The following MEAK7 variants were observed in gnomAD, a reference collection of about 807,000 sequenced individuals.
The protein encoded by MEAK7 is MTOR associated protein MEAK7.
MEAK7 carries 68 observed loss-of-function variants against 40.5 expected under a neutral mutation model. That is an observed-to-expected ratio of 1.68 (90% CI 1.38 to 2.06). The LOEUF (loss-of-function observed/expected upper bound fraction) is 2.06. Among genes scored for constraint, MEAK7 ranks in the 30% most tolerant of loss-of-function variants. The pLI, the probability that MEAK7 is intolerant of heterozygous loss-of-function variation, is 0.00. For missense variants in MEAK7, 918 were observed against 580.5 expected, an observed-to-expected ratio of 1.58 and a Z score of -5.98; for synonymous variants, 338 against 231.9, an observed-to-expected ratio of 1.46 and a Z score of -4.16.
intron 7 of MEAK7, 45 bp from the exon 8 acceptor site, chr16:84,480,071 C>T (rs1405064607): frequency 1.4e-6 from 2 of 1,445,324 alleles, no homozygotes; most frequent in Admixed American, 4.0e-5. Context: ...GATGGCCCAA[C>T]AAGAGGCAGC....
At chr16:84,501,655 G>C (rs886609430) in intron 1 of MEAK7, among the ~76,000 whole-genome samples, 1 of 152,128 alleles carries the variant, frequency 6.6e-6, no homozygotes, top group South Asian at 2.1e-4. Context: ...TCAAGCAGGA[G>C]AGAGGAGGTT....
intron 6 of MEAK7, among the ~76,000 whole-genome samples, chr16:84,482,355 C>A (rs553024220): frequency 1.3e-5 from 2 of 152,252 alleles, no homozygotes; most frequent in Middle Eastern, 3.2e-3. Context: ...AGTGTGCCAT[C>A]TGCACACAAA....
rs545775415 is a variant in MEAK7 at position 84,497,644 on chromosome 16, C to A, written c.153+290G>T. ...ATCATTCATTATCTACTCCAGGTTC[C>A]TTTCTGTAGTACAGATAAGAGACTA... On this transcript the variant is annotated intron_variant, in intron 2 of 7. Coordinates refer to ENST00000343629, the MANE Select transcript of MEAK7 (RefSeq NM_020947.4). The A allele has an allele frequency of 3.3e-5, 47 of 1,405,076 alleles. No individual in the cohort carries two copies. The East Asian group carries it at 1.5e-3, about 46-fold the overall frequency. The allele number at this position is 1,405,076 out of a possible 1,614,324, so 87.0% of individuals were successfully genotyped here.
At chr16:84,491,186 T>C (rs446113) in intron 3 of MEAK7, among the ~76,000 whole-genome samples, 67,801 of 152,122 alleles carry the variant, frequency 0.45, 15,580 homozygotes, top group South Asian at 0.6. Context: ...ACGCCTGTAA[T>C]CCCTCCACTT....
intron 5 of MEAK7, among the ~76,000 whole-genome samples, chr16:84,485,673 CCTATCTAT>C (rs201436650): frequency 3.4e-5 from 5 of 147,748 alleles, no homozygotes; most frequent in African/African-American, 1.2e-4. Flanking sequence ...CATCTATCTA[CCTATCTAT>C]CTATCTATCT....
rs1029035501 is a variant in MEAK7 at position 84,485,846 on chromosome 16, T to C, written c.958+785A>G. 5.3e-5 allele frequency among the ~76,000 whole-genome samples: 8 copies of C among 152,100 alleles called. No individual in the cohort carries two copies. In the South Asian group the frequency reaches 6.2e-4, roughly 12 times the overall value. The stretch of plus-strand genomic sequence containing the variant: ...ACAGGCATGCGCCACCACACCCATC[T>C]AATTTGTGTACTTTCAGTAGAGACG... On this transcript the variant is annotated intron_variant, in intron 5 of 7. Coordinates refer to ENST00000343629, the MANE Select transcript of MEAK7 (RefSeq NM_020947.4).
intron 2 of MEAK7, among the ~76,000 whole-genome samples, chr16:84,496,356 G>A (rs1056883912): frequency 5.9e-5 from 9 of 152,160 alleles, no homozygotes; most frequent in African/African-American, 2.2e-4. Flanking sequence ...TCCAGCCTCT[G>A]CATATATACC....
At chr16:84,497,496 C>T (rs963883345) in intron 2 of MEAK7, 12 of 1,290,112 alleles carry the variant, frequency 9.3e-6, no homozygotes, top group Middle Eastern at 2.1e-4. Context: ...CCCATCACCG[C>T]GTCTGTCTCC....
At chr16:84,480,080 G>A (rs1912389855) in intron 7 of MEAK7, 54 bp from the exon 8 acceptor site, 2 of 1,379,100 alleles carry the variant, frequency 1.5e-6, no homozygotes, top group Non-Finnish European at 9.9e-7. Flanking sequence ...ACAAGAGGCA[G>A]CAGCTTCCTG....
rs1322597977 is a variant in MEAK7, at chr16:84,482,659, G to T, written c.1010C>A (p.Thr337Lys). Residue 337 changes from threonine (T) to lysine (K), a missense_variant, in exon 6 of 8, where the codon ACA becomes AAA. Transcript: ENST00000343629. ...FSICPSMAVY[T>K]HTGYNDHYMY... ...GTAGTGGTCGTTGTAGCCCGTGTGTGTGTACACAGCCATGCTGGGGCAGAT... is the reference window on the plus strand; with the variant it reads ...GTAGTGGTCGTTGTAGCCCGTGTGTTTGTACACAGCCATGCTGGGGCAGAT... The T allele has an allele frequency of 2.5e-6, 4 of 1,614,136 alleles. No homozygotes were observed. In the Admixed American group the frequency reaches 5.0e-5, roughly 20 times the overall value.
intron 3 of MEAK7, among the ~76,000 whole-genome samples, chr16:84,490,658 G>GTA (rs1158198492): frequency 7.8e-6 from 1 of 127,586 alleles, no homozygotes; most frequent in Non-Finnish European, 1.6e-5. Context: ...ATCAAGATGT[G>GTA]TGTGTGTGTG....
intron 5 of MEAK7, among the ~76,000 whole-genome samples, chr16:84,484,038 C>T (rs387367): frequency 0.41 from 62,947 of 152,048 alleles, 13,535 homozygotes; most frequent in South Asian, 0.59. Context: ...CCCGTCTGCA[C>T]TGCCCCCGCC....
chr16:84,502,041 G>C (rs1914545400), intron 1 of MEAK7, among the ~76,000 whole-genome samples: 1 of 152,190 alleles, frequency 6.6e-6, no homozygotes, highest in African/African-American at 2.4e-5. Flanking sequence ...CTACTTGAGA[G>C]GCTGAGGCAG....
In MEAK7 at chr16:84,489,354, A is replaced by G. The variant is rs1217439539; in HGVS notation, c.453T>C (p.Thr151=). 6.2e-7 allele frequency: 1 copy of G among 1,614,084 alleles called. No individual in the cohort carries two copies. Among genetic ancestry groups the G allele is most frequent in the Non-Finnish European group, 8.5e-7 (1 of 1,180,056 alleles). ...LSHRQELRGW[T]GKEAPGPNPR... ...GGTTGGGCCCTGGGGCTTCCTTCCC[A>G]GTCCAGCCTCTCAGCTCCTGTCTGT... The change falls in exon 4 of 8, where the codon ACT becomes ACC. Residue 151 remains threonine (T), a synonymous_variant. Transcript: ENST00000343629.
chr16:84,485,497 C>T (rs566267129), intron 5 of MEAK7, among the ~76,000 whole-genome samples: 16 of 152,282 alleles, frequency 1.1e-4, no homozygotes, highest in African/African-American at 1.9e-4. Context: ...GGAGAAATGA[C>T]GATTCCAGAG....
intron 2 of MEAK7, chr16:84,497,369 T>G: frequency 8.1e-7 from 1 of 1,228,672 alleles, no homozygotes; most frequent in Non-Finnish European, 1.1e-6. Flanking sequence ...ATCTAAAATG[T>G]GATTATTTTG....
chr16:84,495,313 G>A (rs894632276), intron 3 of MEAK7, among the ~76,000 whole-genome samples: 1 of 152,162 alleles, frequency 6.6e-6, no homozygotes, highest in African/African-American at 2.4e-5. Context: ...TAGTGACTAT[G>A]CTCACCTGAT....
intron 7 of MEAK7, 104 bp downstream of exon 7, chr16:84,480,425 A>G: frequency 2.2e-6 from 3 of 1,350,530 alleles, no homozygotes; most frequent in Non-Finnish European, 3.0e-6. Context: ...AATTTGGGAT[A>G]AACTATCTGC....
chr16:84,504,006 A>T, intron 1 of MEAK7: 1 of 985,498 alleles, frequency 1.0e-6, no homozygotes, highest in Non-Finnish European at 1.2e-6. Flanking sequence ...CAGGCTTCGA[A>T]GTCCTGTCTG....
Sources: allele counts gnomAD v4.1 joint callset (sites outside exome capture counted in the v4.1 genomes callset), GRCh38; gene constraint gnomAD v4.1.1; transcripts MANE v1.5; gene names NCBI Gene and HGNC (gene_info 2026-07-23, HGNC 2026-07-21).